The following MIPOL1 variants were observed in gnomAD, a reference collection of about 807,000 sequenced individuals.
MIPOL1 encodes mirror-image polydactyly gene 1 protein.
A neutral mutation model predicts 60.9 loss-of-function variants in MIPOL1; 57 were observed. The observed-to-expected ratio is 0.94, with a 90% CI of 0.76 to 1.17. The LOEUF is 1.17. Ranked by LOEUF, MIPOL1 falls within the 50% of genes most tolerant of loss-of-function variation. The probability of loss-of-function intolerance (pLI) is 0.00; values close to 1 mark genes in which losing one functional copy is unlikely to be tolerated. For synonymous variants in MIPOL1, 179 were observed against 168.8 expected (o/e 1.06, Z -0.47); for missense variants, 551 against 511.6 (o/e 1.08, Z -0.74).
intron 11 of MIPOL1, among the ~76,000 whole-genome samples, chr14:37,478,314 A>C (rs1246112343): frequency 1.3e-5 from 2 of 152,220 alleles, no homozygotes; most frequent in African/African-American, 4.8e-5. Flanking sequence ...ATGAACTGAA[A>C]ATTGAAAAAC....
At chr14:37,321,303 G>A (rs1159264079) in intron 9 of MIPOL1, among the ~76,000 whole-genome samples, 8 of 151,912 alleles carry the variant, frequency 5.3e-5, no homozygotes, top group African/African-American at 1.9e-4. Flanking sequence ...TATTATATAT[G>A]TTGAAATATT....
chr14:37,236,012 C>T (rs1380472356), intron 1 of MIPOL1, among the ~76,000 whole-genome samples: 3 of 151,742 alleles, frequency 2.0e-5, no homozygotes, highest in Admixed American at 6.6e-5. Flanking sequence ...CTGCAACCTC[C>T]GCCTCCCGGG....
rs577111708 is a variant in MIPOL1 at position 37,468,019 on chromosome 14, G to A, written c.1032-31889G>A. Among the ~76,000 whole-genome samples the A allele has an allele frequency of 8.1e-5, 12 of 147,856 alleles. No homozygotes were observed. The East Asian group carries it at 1.8e-3, about 22-fold the overall frequency. On this transcript the variant is annotated intron_variant, in intron 11 of 12. Coordinates refer to ENST00000684589, the MANE Select transcript of MIPOL1 (RefSeq NM_001388067.1). ...TAGTGAGCCGAGATCATGCCACTGC[G>A]CTCCAGCCTGGGTGACAGAGTGAGT...
At chr14:37,413,671 T>A (rs1244381507) in intron 10 of MIPOL1, among the ~76,000 whole-genome samples, 1 of 152,216 alleles carries the variant, frequency 6.6e-6, no homozygotes, top group Non-Finnish European at 1.5e-5. Flanking sequence ...GGAGACATTA[T>A]TCTGCCTGTT....
intron 3 of MIPOL1, among the ~76,000 whole-genome samples, chr14:37,265,522 T>C (rs533071797): frequency 1.5e-4 from 23 of 151,696 alleles, no homozygotes; most frequent in Non-Finnish European, 3.1e-4. Flanking sequence ...ATTAGAAGAG[T>C]CAAACTTTTT....
chr14:37,374,684 C>G (rs983956343), intron 10 of MIPOL1, among the ~76,000 whole-genome samples: 1 of 152,058 alleles, frequency 6.6e-6, no homozygotes, highest in Non-Finnish European at 1.5e-5. Flanking sequence ...TTCTCAAAGA[C>G]CAAATGGTTG....
chr14:37,308,076 A>C lies in MIPOL1; in HGVS notation c.644A>C (p.Glu215Ala). ...SLKVLENINP[E>A]ENDMTLQELL... ...TCTAGGCTAGAAAATATTAACCCTG[A>C]AGAAAATGACATGGTAAGCCATTCT... Residue 215 changes from glutamate to alanine, a missense_variant, in exon 8 of 13, where the codon GAA becomes GCA. Physicochemically the swap from Glu to Ala is moderately radical, Grantham distance 107. Coordinates refer to ENST00000684589, the MANE Select transcript of MIPOL1 (RefSeq NM_001388067.1). 1 of 1,611,050 alleles carries C rather than the reference A, an allele frequency of 6.2e-7. No individual in the cohort carries two copies. The highest frequency in any genetic ancestry group is 8.5e-7 in the Non-Finnish European group (1 of 1,178,206).
At chr14:37,484,184 T>G (rs1343053342) in intron 11 of MIPOL1, among the ~76,000 whole-genome samples, 1 of 152,152 alleles carries the variant, frequency 6.6e-6, no homozygotes, top group Admixed American at 6.5e-5. Flanking sequence ...TTTATGTGGG[T>G]TTTCCCCATT....
intron 12 of MIPOL1, among the ~76,000 whole-genome samples, chr14:37,540,375 ATATT>A: frequency 6.6e-6 from 1 of 152,172 alleles, no homozygotes; most frequent in East Asian, 1.9e-4. Flanking sequence ...TTTTGTGAGC[ATATT>A]TGTGTGTGTT....
intron 9 of MIPOL1, 152 bp from the exon 10 acceptor site, chr14:37,369,365 T>C (rs2092573139): frequency 2.3e-6 from 1 of 435,726 alleles, no homozygotes; most frequent in African/African-American, 2.0e-5. Flanking sequence ...TTATTTATTG[T>C]ATTTAACATT....
chr14:37,330,301 T>A (rs2153453496), intron 9 of MIPOL1, among the ~76,000 whole-genome samples: 1 of 152,242 alleles, frequency 6.6e-6, no homozygotes, highest in Admixed American at 6.5e-5. Context: ...AGAGGAAGTG[T>A]TGTTAGTGAA....
intron 9 of MIPOL1, among the ~76,000 whole-genome samples, chr14:37,345,350 C>T (rs533025602): frequency 1.2e-3 from 190 of 152,332 alleles, no homozygotes; most frequent in Non-Finnish European, 2.4e-3. Context: ...AGTGATCTTC[C>T]TGCCTTTGCC....
chr14:37,346,323 C>T (rs947634903), intron 9 of MIPOL1, among the ~76,000 whole-genome samples: 3 of 151,876 alleles, frequency 2.0e-5, no homozygotes, highest in Admixed American at 6.6e-5. Context: ...AGTGAGACTC[C>T]GTCTCAAAAA....
chr14:37,325,506 T>TTTTC (rs1170341220), intron 9 of MIPOL1, among the ~76,000 whole-genome samples: 2 of 151,954 alleles, frequency 1.3e-5, no homozygotes, highest in Admixed American at 6.6e-5. Context: ...CTTTCTCTCC[T>TTTTC]TTTCTTTCTT....
intron 3 of MIPOL1, among the ~76,000 whole-genome samples, chr14:37,257,495 C>T (rs1017883335): frequency 6.6e-6 from 1 of 151,952 alleles, no homozygotes; most frequent in Non-Finnish European, 1.5e-5. Context: ...TTATGCAACA[C>T]CTAGATAATT....
intron 11 of MIPOL1, among the ~76,000 whole-genome samples, chr14:37,438,484 A>G (rs2094196159): frequency 6.6e-6 from 1 of 152,216 alleles, no homozygotes. Flanking sequence ...CGACAGTGGC[A>G]TAAATATTAT....
intron 11 of MIPOL1, among the ~76,000 whole-genome samples, chr14:37,448,475 C>T (rs1383157275): frequency 6.6e-6 from 1 of 152,208 alleles, no homozygotes; most frequent in East Asian, 1.9e-4. Flanking sequence ...GGTTCTAATA[C>T]ATAGCAAAAT....
chr14:37,218,437 C>T (rs1968132352), intron 1 of MIPOL1, among the ~76,000 whole-genome samples: 1 of 151,992 alleles, frequency 6.6e-6, no homozygotes, highest in Admixed American at 6.6e-5. Flanking sequence ...ATCTTCCTGT[C>T]TTGGCCTCCC....
chr14:37,200,971 C>T (rs1965238112), intron 1 of MIPOL1, among the ~76,000 whole-genome samples: 1 of 143,142 alleles, frequency 7.0e-6, no homozygotes, highest in Non-Finnish European at 1.5e-5. Flanking sequence ...GGGGTGATCT[C>T]GGTTCACTGC....
Sources: gnomAD v4.1 joint callset for allele counts (sites outside exome capture counted in the v4.1 genomes callset) on GRCh38, gnomAD v4.1.1 for gene constraint, MANE v1.5 for transcripts, NCBI Gene and HGNC (gene_info 2026-07-23, HGNC 2026-07-21) for gene names.